Variants in FHIP2B observed in about 807,000 individuals in gnomAD.
The protein encoded by FHIP2B is FHF complex subunit HOOK-interacting protein 2B.
FHIP2B carries 72 observed loss-of-function variants against 84.0 expected under a neutral mutation model. The ratio of observed to expected loss-of-function variants is 0.86; its 90% CI spans 0.71 to 1.04. The LOEUF (loss-of-function observed/expected upper bound fraction) is 1.04, where lower values mean the gene tolerates loss of function less well. FHIP2B is among the 50% of genes least tolerant of loss of function. The pLI is 0.00. For missense variants in FHIP2B, 972 were observed against 968.9 expected (o/e 1.00, Z -0.04); for synonymous variants, 497 against 418.7 (o/e 1.19, Z -2.28).
rs201428675 is a variant in FHIP2B, at chr8:22,102,149, C to T, written c.1852-26C>T. 362 of 1,613,180 alleles carry T rather than the reference C, an allele frequency of 2.2e-4. 3 individuals carry two copies. In the East Asian group the frequency reaches 7.8e-3, roughly 35 times the overall value. On this transcript the variant is annotated intron_variant, in intron 14 of 16. Transcript: ENST00000289921. ...AATACTCACCAGCCCTGCCAGCCCT[C>T]GGCTCTGTCCACCATGTTCCTACAG...
At chr8:22,089,754 C>G (rs1210455987) in intron 1 of FHIP2B, 5 of 1,270,420 alleles carry the variant, frequency 3.9e-6, no homozygotes, top group Non-Finnish European at 5.1e-6. Flanking sequence ...TCGGTCTGAT[C>G]TCCCAGACAA....
At chr8:22,096,561 G>A (rs1043208537) in intron 3 of FHIP2B, 52 bp downstream of exon 3, 43 of 1,446,782 alleles carry the variant, frequency 3.0e-5, no homozygotes, top group East Asian at 7.8e-5. Context: ...GCCTCTGCGC[G>A]CTTGGCCAGG....
chr8:22,091,586 C>T (rs77589638), intron 1 of FHIP2B, among the ~76,000 whole-genome samples: 1,740 of 152,254 alleles, frequency 0.011, 7 homozygotes, highest in Non-Finnish European at 0.013. Flanking sequence ...GGGTCTAGTG[C>T]CTTTGGTTTG....
At chr8:22,102,058 A>G (rs878940605) in intron 14 of FHIP2B, 117 bp from the exon 15 acceptor site, 2 of 1,572,690 alleles carry the variant, frequency 1.3e-6, no homozygotes, top group Admixed American at 1.8e-5. Flanking sequence ...ACACACACAC[A>G]TCACGTGAGC....
At chr8:22,091,014 C>T (rs947854848) in intron 1 of FHIP2B, among the ~76,000 whole-genome samples, 12 of 152,140 alleles carry the variant, frequency 7.9e-5, no homozygotes, top group African/African-American at 2.9e-4. Context: ...AGGTGATCTT[C>T]CGGGCCCTTT....
chr8:22,094,554 A>C (rs1825665204), intron 2 of FHIP2B, 36 bp downstream of exon 2: 1 of 1,608,632 alleles, frequency 6.2e-7, no homozygotes, highest in African/African-American at 1.3e-5. Context: ...GGGACCCTGG[A>C]GGGAGCGGGG....
At chr8:22,100,797 T>A in intron 11 of FHIP2B, 47 bp from the exon 12 acceptor site, 1 of 1,612,780 alleles carries the variant, frequency 6.2e-7, no homozygotes, top group Non-Finnish European at 8.5e-7. Context: ...GCACGCTCAC[T>A]CTGTCCATTC....
chr8:22,092,271 C>T (rs373277229), intron 1 of FHIP2B, among the ~76,000 whole-genome samples: 102 of 152,286 alleles, frequency 6.7e-4, no homozygotes, highest in African/African-American at 2.3e-3. Flanking sequence ...ATGAGTCTTC[C>T]GAAAACACTG....
Position 22,100,801 on chromosome 8 carries a change from TC to T in FHIP2B, c.1488-41del, listed in dbSNP as rs1417320613. On this transcript the variant is annotated intron_variant, in intron 11 of 16. Coordinates refer to ENST00000289921, the MANE Select transcript of FHIP2B (RefSeq NM_022749.7). ...CCTTAGCACTCGCACGCTCACTCTG[TC>T]CATTCATTCACTGGTGCCGTACTGC... The T allele has an allele frequency of 1.9e-6, 3 of 1,613,022 alleles. No individual in the cohort carries two copies. The East Asian group carries it at 6.7e-5, about 36-fold the overall frequency.
Position 22,102,641 on chromosome 8 carries a change from G to T in FHIP2B, c.2093+13G>T, listed in dbSNP as rs1184932251. 6.4e-7 allele frequency: 1 copy of T among 1,563,612 alleles called. No individual in the cohort carries two copies. Among genetic ancestry groups the T allele is most frequent in the African/African-American group, 1.4e-5 (1 of 73,666 alleles). The stretch of plus-strand genomic sequence containing the variant: ...CTCCTGGGGAGCAGTGAGTACCAAG[G>T]GTGCCAGGTGAAGCCTTGGGGTGGG... On this transcript the variant is annotated intron_variant, in intron 16 of 16. Transcript: ENST00000289921.
Position 22,098,260 on chromosome 8 carries a change from AC to A in FHIP2B, c.720del (p.Thr241GlnfsTer5). ...PAETEELDGG[T>X]TESNLITSLL... ...TGAGACCGAGGAGCTGGACGGTGGG[AC>A]CACAGAGAGCAACCTGATTACCTCC... On this transcript the variant is annotated frameshift_variant, in exon 6 of 17. Transcript: ENST00000289921. LOFTEE classifies it high-confidence loss of function. 6.3e-7 allele frequency: 1 copy of A among 1,585,992 alleles called. No individual in the cohort carries two copies. The highest frequency in any genetic ancestry group is 8.6e-7 in the Non-Finnish European group (1 of 1,167,564).
intron 1 of FHIP2B, chr8:22,089,994 C>G (rs1176504086): frequency 6.7e-6 from 3 of 444,630 alleles, no homozygotes; most frequent in African/African-American, 6.2e-5. Flanking sequence ...GCCTGGGTGG[C>G]CCTGTGCGGG....
chr8:22,099,866 C>T lies in FHIP2B; in HGVS notation c.1314C>T (p.Ile438=), dbSNP rs750562093. ...DNPHTLYAHL[I]GHCDHLSDEI... ...CCCACACCCTGTATGCTCATCTCAT[C>T]GGGCATTGTGACCACCTCTCTGATG... Residue 438 remains isoleucine, a synonymous_variant, in exon 10 of 17, where the codon ATC becomes ATT. Transcript: ENST00000289921. 17 of 1,611,832 alleles carry T rather than the reference C, an allele frequency of 1.1e-5. No individual in the cohort carries two copies. The highest frequency in any genetic ancestry group is 8.9e-5 in the East Asian group (4 of 44,806).
Position 22,102,277 on chromosome 8 carries a change from GC to G in FHIP2B, c.1959del (p.Gly654AlafsTer10). On this transcript the variant is annotated frameshift_variant, in exon 15 of 17. Coordinates refer to ENST00000289921, the MANE Select transcript of FHIP2B (RefSeq NM_022749.7). LOFTEE classifies it high-confidence loss of function. ...EYLLDPYISLAPGCRSLFSVL... is the reference protein window; with the variant it reads ...EYLLDPYISLXPGCRSLFSVL... ...CCTGCTGGATCCGTACATCAGCCTGGCCCCCGGCTGCAGGAGCCTATTCTCC... is the reference window on the plus strand; with the variant it reads ...CCTGCTGGATCCGTACATCAGCCTGGCCCCGGCTGCAGGAGCCTATTCTCC... 1 of 1,612,990 alleles carries G rather than the reference GC, an allele frequency of 6.2e-7. No individual in the cohort carries two copies.
At chr8:22,100,289 G>A (rs894899701) in intron 10 of FHIP2B, 2 of 390,388 alleles carry the variant, frequency 5.1e-6, no homozygotes, top group South Asian at 6.2e-5. Flanking sequence ...AGGCTAACAC[G>A]TACTACTTCG....
At chr8:22,102,049 C>A in intron 14 of FHIP2B, 126 bp from the exon 15 acceptor site, 1 of 1,559,132 alleles carries the variant, frequency 6.4e-7, no homozygotes, top group Non-Finnish European at 8.6e-7. Flanking sequence ...GAATCCATGA[C>A]ACACACACAT....
intron 1 of FHIP2B, among the ~76,000 whole-genome samples, chr8:22,093,374 C>T (rs918119459): frequency 6.6e-6 from 1 of 152,114 alleles, no homozygotes; most frequent in Non-Finnish European, 1.5e-5. Context: ...TGATTGTTCT[C>T]AGTGCAAGGC....
chr8:22,099,224 G>C (rs901525375), intron 8 of FHIP2B, 60 bp from the exon 9 acceptor site: 1 of 1,593,242 alleles, frequency 6.3e-7, no homozygotes, highest in African/African-American at 1.3e-5. Flanking sequence ...CAAGAACACG[G>C]TTATTTCTCA....
rs1313257742 is a variant in FHIP2B at position 22,103,317 on chromosome 8, T to TG, written c.*388dup. ...GGGAGTGAGCTGATGGCTCCGAGAC[T>TG]GGTCAGGAGCCCAGGCCAGTGAGAT... is the stretch of plus-strand genomic sequence containing the variant. On this transcript the variant is annotated 3_prime_UTR_variant, in exon 17 of 17. Coordinates refer to ENST00000289921, the MANE Select transcript of FHIP2B (RefSeq NM_022749.7). 1 of 191,368 alleles carries TG rather than the reference T, an allele frequency of 5.2e-6. No homozygotes were observed. Among genetic ancestry groups the TG allele is most frequent in the Non-Finnish European group, 1.1e-5 (1 of 93,150 alleles). The allele number at this position is 191,368 out of a possible 1,614,324, so 11.9% of individuals were successfully genotyped here. A position where few individuals can be genotyped will look rare whatever the true frequency, so the allele number is the denominator to read the frequency against.
Sources: allele counts gnomAD v4.1 joint callset (sites outside exome capture counted in the v4.1 genomes callset), GRCh38; gene constraint gnomAD v4.1.1; transcripts MANE v1.5; gene names NCBI Gene and HGNC (gene_info 2026-07-23, HGNC 2026-07-21).